Variants in SLC6A6 observed in about 807,000 individuals in gnomAD.
SLC6A6 encodes solute carrier family 6 member 6.
In SLC6A6, 16 loss-of-function variants were observed where a neutral mutation model predicts 68.8. The ratio of observed to expected loss-of-function variants is 0.23; its 90% confidence interval spans 0.16 to 0.35. The LOEUF (loss-of-function observed/expected upper bound fraction) is 0.35, where lower values mean the gene tolerates loss of function less well. SLC6A6 is among the 10% of genes least tolerant of loss of function. SLC6A6 has a pLI of 1.00. For missense variants in SLC6A6, 474 were observed against 802.8 expected, an observed-to-expected ratio of 0.59 and a Z score of 4.95; for synonymous variants, 312 against 315.4, an observed-to-expected ratio of 0.99 and a Z score of 0.12.
At chr3:14,479,544 G>T (rs987230248) in intron 13 of SLC6A6, among the ~76,000 whole-genome samples, 1 of 152,138 alleles carries the variant, frequency 6.6e-6, no homozygotes, top group Non-Finnish European at 1.5e-5. Flanking sequence ...CAGAGCGCAT[G>T]AGCTCTGTTT....
rs201373721 is a variant in SLC6A6, at chr3:14,408,955, C to T, written c.-54+6108C>T. Reference sequence around the variant, plus strand: ...CCAAGTAGCTGGGACTACAGGCACCCGCTACCACGCCCAGCTAATTTTTTT... The same window carrying T: ...CCAAGTAGCTGGGACTACAGGCACCTGCTACCACGCCCAGCTAATTTTTTT... On this transcript the variant is annotated intron_variant, in intron 1 of 14. Transcript: ENST00000622186. Among the ~76,000 whole-genome samples the T allele has an allele frequency of 1.0e-3, 152 of 152,054 alleles. 2 individuals carry two copies. In the East Asian group the frequency reaches 0.026, roughly 26 times the overall value.
At position 14,440,338 on chromosome 3, in the gene SLC6A6, C is replaced by T. The variant is rs1335384748; in HGVS notation, c.-11-3286C>T. Reference sequence around the variant, plus strand: ...GGGCAGCTGGCAGGGAGCCAGGGGGCTTTTTATACTGCGGCTCCAACAGCC... The same window carrying T: ...GGGCAGCTGGCAGGGAGCCAGGGGGTTTTTTATACTGCGGCTCCAACAGCC... On this transcript the variant is annotated intron_variant, in intron 2 of 14. Transcript: ENST00000622186. Among the ~76,000 whole-genome samples, 7 of 152,038 alleles carry T rather than the reference C, an allele frequency of 4.6e-5. No individual in the cohort carries two copies. In the East Asian group the frequency reaches 1.4e-3, roughly 30 times the overall value.
intron 1 of SLC6A6, among the ~76,000 whole-genome samples, chr3:14,410,231 C>T (rs1309548762): frequency 2.6e-5 from 4 of 152,036 alleles, no homozygotes; most frequent in Admixed American, 1.3e-4. Flanking sequence ...CCTGTGCTCC[C>T]CCCTCCCAGC....
chr3:14,471,881 T>G (rs1700760268), intron 9 of SLC6A6, among the ~76,000 whole-genome samples: 1 of 152,170 alleles, frequency 6.6e-6, no homozygotes, highest in African/African-American at 2.4e-5. Flanking sequence ...GGTGGGAGGA[T>G]CCTCCCTTTC....
In SLC6A6 at chr3:14,402,643, G is replaced by A. The variant is rs1699009239; in HGVS notation, c.-258G>A. On this transcript the variant is annotated 5_prime_UTR_variant, in exon 1 of 15. Coordinates refer to ENST00000622186, the MANE Select transcript of SLC6A6 (RefSeq NM_003043.6). This position sits in a 1 kb window ranked among gnomAD's most constrained non-coding sequence, Gnocchi z 4.8. Reference sequence around the variant, plus strand: ...CTCAGACAACAGACACGCGAGGTCAGGAAGAAGCCGCTTATAAATTACCGC... The same window carrying A: ...CTCAGACAACAGACACGCGAGGTCAAGAAGAAGCCGCTTATAAATTACCGC... 1 of 397,996 alleles carries A rather than the reference G, an allele frequency of 2.5e-6. No homozygotes were observed. Among genetic ancestry groups the A allele is most frequent in the Admixed American group, 4.4e-5 (1 of 22,694 alleles). The allele number at this position is 397,996 out of a possible 1,614,324, so 24.7% of individuals were successfully genotyped here.
intron 10 of SLC6A6, among the ~76,000 whole-genome samples, chr3:14,473,632 G>A (rs1344144167): frequency 6.6e-6 from 1 of 152,164 alleles, no homozygotes; most frequent in East Asian, 1.9e-4. Context: ...TGGCAGAGAA[G>A]GGGGCAGGAT....
At chr3:14,484,030 A>G (rs1701076422) in intron 14 of SLC6A6, among the ~76,000 whole-genome samples, 1 of 152,220 alleles carries the variant, frequency 6.6e-6, no homozygotes, top group Admixed American at 6.5e-5. Context: ...ACCTAAGTTG[A>G]ATATAAATGC....
chr3:14,448,290 C>T (rs78645198), intron 5 of SLC6A6: 4,156 of 179,784 alleles, frequency 0.023, 199 homozygotes, highest in African/African-American at 0.094. Context: ...CCAGACTTGG[C>T]GGCCTTAAAC....
intron 6 of SLC6A6, among the ~76,000 whole-genome samples, chr3:14,460,083 A>G (rs1313293791): frequency 6.6e-6 from 1 of 151,718 alleles, no homozygotes; most frequent in Non-Finnish European, 1.5e-5. Context: ...CAGTTTCCCC[A>G]CACAGAAGTG....
rs1701157106 is a variant in SLC6A6, at chr3:14,486,177, C to CT, written c.*1173dup. ...ATGGGCCCGGTGTCGGGGAGGGGTG[C>CT]TTTCTTTCCTCATCTCCCCACTCCC... On this transcript the variant is annotated 3_prime_UTR_variant, in exon 15 of 15. Coordinates refer to ENST00000622186, the MANE Select transcript of SLC6A6 (RefSeq NM_003043.6). 1 of 152,574 alleles carries CT rather than the reference C, an allele frequency of 6.6e-6. No homozygotes were observed. Among genetic ancestry groups the CT allele is most frequent in the Non-Finnish European group, 1.5e-5 (1 of 68,064 alleles). The allele number at this position is 152,574 out of a possible 1,614,324, so 9.5% of individuals were successfully genotyped here. A position where few individuals can be genotyped will look rare whatever the true frequency, so the allele number is the denominator to read the frequency against.
intron 6 of SLC6A6, among the ~76,000 whole-genome samples, chr3:14,466,201 G>A (rs1166119261): frequency 6.6e-6 from 1 of 150,886 alleles, no homozygotes; most frequent in Non-Finnish European, 1.5e-5. Flanking sequence ...GGCGGAGGTT[G>A]CAGTGAGCCG....
intron 6 of SLC6A6, among the ~76,000 whole-genome samples, chr3:14,463,679 C>G (rs1009457400): frequency 6.6e-6 from 1 of 152,174 alleles, no homozygotes; most frequent in Non-Finnish European, 1.5e-5. Context: ...TCACTTCTTT[C>G]CCCCCTTCTG....
rs1383523117 is a variant in SLC6A6 at position 14,479,757 on chromosome 3, C to T, written c.1551+572C>T. ...GTTGTTCTTCCCACGAGGATGCTCT[C>T]GCCCACCATGTTGGAGTTGGCCTTG... On this transcript the variant is annotated intron_variant, in intron 13 of 14. Coordinates refer to ENST00000622186, the MANE Select transcript of SLC6A6 (RefSeq NM_003043.6). 2.6e-5 allele frequency among the ~76,000 whole-genome samples: 4 copies of T among 152,192 alleles called. No homozygotes were observed. In the East Asian group the frequency reaches 7.7e-4, roughly 29 times the overall value.
rs1422934941 is a variant in SLC6A6, at chr3:14,487,908, G to C, written c.*2901G>C. Reference sequence around the variant, plus strand: ...CCAAAGACAAGCCTTTATGGAAAAGGAAATGCGCTCCCCTCCATGTTCAGG... The same window carrying C: ...CCAAAGACAAGCCTTTATGGAAAAGCAAATGCGCTCCCCTCCATGTTCAGG... On this transcript the variant is annotated 3_prime_UTR_variant, in exon 15 of 15. Coordinates refer to ENST00000622186, the MANE Select transcript of SLC6A6 (RefSeq NM_003043.6). 6.6e-6 allele frequency: 1 copy of C among 152,600 alleles called. No individual in the cohort carries two copies. The highest frequency in any genetic ancestry group is 1.5e-5 in the Non-Finnish European group (1 of 68,072). The allele number at this position is 152,600 out of a possible 1,614,324, so 9.5% of individuals were successfully genotyped here.
chr3:14,478,825 CTTGAGGCCTTGGG>C (rs2124996429), intron 12 of SLC6A6: 2 of 592,160 alleles, frequency 3.4e-6, no homozygotes, highest in Non-Finnish European at 6.0e-6. Context: ...TTTTTATCTC[CTTGAGGCCTTGGG>C]TTTGAGTTTG....
chr3:14,434,241 C>G (rs1203830529), intron 2 of SLC6A6, among the ~76,000 whole-genome samples: 1 of 152,206 alleles, frequency 6.6e-6, no homozygotes, highest in Non-Finnish European at 1.5e-5. Flanking sequence ...GGGCCTCTTT[C>G]CATCATCCGG....
intron 5 of SLC6A6, among the ~76,000 whole-genome samples, chr3:14,452,202 G>T (rs529776847): frequency 1.3e-5 from 2 of 152,166 alleles, no homozygotes; most frequent in Admixed American, 6.5e-5. Flanking sequence ...TTTCCTTGTG[G>T]GGGGAGACAA....
chr3:14,410,730 C>T (rs887271339), intron 1 of SLC6A6, among the ~76,000 whole-genome samples: 1 of 152,232 alleles, frequency 6.6e-6, no homozygotes, highest in Non-Finnish European at 1.5e-5. Flanking sequence ...CTGGGGTGCC[C>T]TGAGAGGCTC....
chr3:14,451,312 T>C (rs900173416), intron 5 of SLC6A6, among the ~76,000 whole-genome samples: 1 of 152,168 alleles, frequency 6.6e-6, no homozygotes, highest in African/African-American at 2.4e-5. Flanking sequence ...CTGGCTCACT[T>C]CCCCATCTGC....
Sources: allele counts gnomAD v4.1 joint callset (sites outside exome capture counted in the v4.1 genomes callset), GRCh38; gene constraint gnomAD v4.1.1; non-coding constraint Gnocchi (gnomAD v3.1); transcripts MANE v1.5; gene names NCBI Gene and HGNC (gene_info 2026-07-23, HGNC 2026-07-21).